PLXDC2: variants seen among roughly 807,000 people sequenced by gnomAD.
PLXDC2 encodes plexin domain-containing protein 2.
Under a neutral mutation model 68.9 loss-of-function variants are expected in PLXDC2, and 40 were observed. That is an observed-to-expected ratio of 0.58 (90% CI 0.45 to 0.76). The LOEUF is 0.76. Among genes scored for constraint, PLXDC2 ranks in the 30% least tolerant of loss-of-function variants. The probability of loss-of-function intolerance (pLI) is 0.00; values close to 1 mark genes in which losing one functional copy is unlikely to be tolerated. For missense variants in PLXDC2, 644 were observed against 661.9 expected (o/e 0.97, Z 0.30); for synonymous variants, 243 against 234.2 (o/e 1.04, Z -0.34).
At position 20,288,402 on chromosome 10, in the gene PLXDC2, A is replaced by G. The variant is rs1415450286; in HGVS notation, c.*8583A>G. On this transcript the variant is annotated 3_prime_UTR_variant, in exon 14 of 14. Transcript: ENST00000377252. ...TTCCAAGCCTGCATTCTGTCATGCT[A>G]AAATAACCAGCCCATACTTCTCGGT... The G allele has an allele frequency of 6.6e-6, 1 of 152,114 alleles. No individual in the cohort carries two copies. Among genetic ancestry groups the G allele is most frequent in the Non-Finnish European group, 1.5e-5 (1 of 68,010 alleles). 9.4% of individuals were successfully genotyped at this position (152,114 alleles called of 1,614,324 possible).
In PLXDC2 at chr10:20,046,363, A is replaced by ATCCC. The variant is rs1835799817; in HGVS notation, c.325-505_325-504insCCCT. Among the ~76,000 whole-genome samples, 15 of 152,218 alleles carry ATCCC rather than the reference A, an allele frequency of 9.9e-5. 1 individual carries two copies. The South Asian group carries it at 3.1e-3, about 32-fold the overall frequency. On this transcript the variant is annotated intron_variant, in intron 2 of 13. Transcript: ENST00000377252. Reference sequence around the variant, plus strand: ...CATAAAATTCAAAACTTAGAAGGAAATATATATTGAAATTTTTAAATATGC... The same window carrying ATCCC: ...CATAAAATTCAAAACTTAGAAGGAAATCCCTATATATTGAAATTTTTAAATATGC...
chr10:20,131,211 T>C (rs1833863255), intron 4 of PLXDC2, among the ~76,000 whole-genome samples: 1 of 151,918 alleles, frequency 6.6e-6, no homozygotes, highest in African/African-American at 2.4e-5. Context: ...TTCTGGTTTC[T>C]TTTATCCATA....
intron 4 of PLXDC2, among the ~76,000 whole-genome samples, chr10:20,129,652 C>T (rs1473505432): frequency 6.6e-6 from 1 of 152,002 alleles, no homozygotes; most frequent in South Asian, 2.1e-4. Context: ...TCTGGTCTCA[C>T]ATTTAAGCCT....
At chr10:19,855,288 G>T (rs1837191718) in intron 1 of PLXDC2, among the ~76,000 whole-genome samples, 1 of 152,146 alleles carries the variant, frequency 6.6e-6, no homozygotes, top group East Asian at 1.9e-4. Context: ...TCAAAGGCTG[G>T]TGTCATTTCA....
chr10:19,986,138 C>CT (rs998719313), intron 1 of PLXDC2, among the ~76,000 whole-genome samples: 11 of 151,380 alleles, frequency 7.3e-5, no homozygotes, highest in South Asian at 4.2e-4. Flanking sequence ...GAAAGCACTT[C>CT]TTTTTTTTTC....
At chr10:20,146,488 T>TTTCCTTCCTTCCTTCCTTCC (rs34150409) in intron 5 of PLXDC2, among the ~76,000 whole-genome samples, 2,140 of 81,318 alleles carry the variant, frequency 0.026, 81 homozygotes, top group East Asian at 0.065. Flanking sequence ...TTCTTTTCTT[T>TTTCCTTCCTTCCTTCCTTCC]TTCCTTCCTT....
intron 7 of PLXDC2, among the ~76,000 whole-genome samples, chr10:20,175,420 AC>A (rs1187200138): frequency 6.6e-6 from 1 of 152,200 alleles, no homozygotes; most frequent in Non-Finnish European, 1.5e-5. Context: ...AGTGGCTCAC[AC>A]CTGTAATCTC....
intron 4 of PLXDC2, among the ~76,000 whole-genome samples, chr10:20,133,679 G>A (rs1271062963): frequency 3.9e-5 from 6 of 152,092 alleles, no homozygotes. Flanking sequence ...ATGTTTTTGT[G>A]ATGATCTCTT....
At chr10:20,228,786 G>A (rs948690206) in intron 12 of PLXDC2, among the ~76,000 whole-genome samples, 1 of 151,982 alleles carries the variant, frequency 6.6e-6, no homozygotes, top group Non-Finnish European at 1.5e-5. Context: ...AGAAAAGTTT[G>A]GTATCACAGA....
chr10:19,971,338 C>T (rs1183306290), intron 1 of PLXDC2, among the ~76,000 whole-genome samples: 2 of 152,148 alleles, frequency 1.3e-5, no homozygotes, highest in African/African-American at 2.4e-5. Context: ...ACTAAACTTC[C>T]CAGTTCACTG....
intron 1 of PLXDC2, among the ~76,000 whole-genome samples, chr10:19,826,813 T>C (rs537653412): frequency 6.6e-6 from 1 of 152,342 alleles, no homozygotes; most frequent in East Asian, 1.9e-4. Context: ...TGAGTAAATA[T>C]AGCTCCTGTA....
intron 1 of PLXDC2, among the ~76,000 whole-genome samples, chr10:19,947,620 A>C (rs112772663): frequency 5.3e-5 from 8 of 152,006 alleles, no homozygotes; most frequent in Middle Eastern, 3.4e-3. Context: ...GTAATATTAC[A>C]TCTTCCCTAA....
intron 13 of PLXDC2, among the ~76,000 whole-genome samples, chr10:20,248,291 C>T (rs192682838): frequency 1.3e-5 from 2 of 152,020 alleles, no homozygotes; most frequent in African/African-American, 4.8e-5. Flanking sequence ...TGTCTCAGAG[C>T]CTGTATGTCC....
intron 1 of PLXDC2, among the ~76,000 whole-genome samples, chr10:19,973,287 CAT>C (rs971612961): frequency 3.1e-4 from 44 of 139,900 alleles, no homozygotes; most frequent in Admixed American, 8.5e-4. Flanking sequence ...TATACACATA[CAT>C]ATATATGTAT....
At chr10:20,046,776 C>T (rs575097213) in intron 2 of PLXDC2, 93 bp from the exon 3 acceptor site, 2 of 1,310,976 alleles carry the variant, frequency 1.5e-6, no homozygotes, top group Non-Finnish European at 1.0e-6. Flanking sequence ...CTTTTAAAAA[C>T]TATTAATACT....
intron 2 of PLXDC2, among the ~76,000 whole-genome samples, chr10:20,029,409 T>C (rs948491100): frequency 6.6e-6 from 1 of 151,552 alleles, no homozygotes; most frequent in Non-Finnish European, 1.5e-5. Flanking sequence ...GAAATGCTTG[T>C]AAAAAAAATA....
In PLXDC2 at chr10:19,996,987, A is replaced by C. The variant is rs192294996; in HGVS notation, c.113-4788A>C. 8.1e-4 allele frequency among the ~76,000 whole-genome samples: 124 copies of C among 152,280 alleles called. 1 individual carries two copies. Among genetic ancestry groups the C allele is most frequent in the African/African-American group, 2.9e-3 (119 of 41,568 alleles). ...ACAACACATGGGAATTCAGGATGAG[A>C]TTAGGGTGGGGACACAGCCAAACCA... On this transcript the variant is annotated intron_variant, in intron 1 of 13. Transcript: ENST00000377252.
chr10:20,001,366 GTCTGACTTTTATTTTCAAAATAA>G (rs1262780159), intron 1 of PLXDC2, among the ~76,000 whole-genome samples: 78 of 151,608 alleles, frequency 5.1e-4, no homozygotes, highest in African/African-American at 1.8e-3. Context: ...AATTAATGAG[GTCTGACTTTTATTTTCAAAATAA>G]TCTGACAATT....
At chr10:20,228,775 C>A (rs1316079661) in intron 12 of PLXDC2, among the ~76,000 whole-genome samples, 1 of 151,922 alleles carries the variant, frequency 6.6e-6, no homozygotes, top group Non-Finnish European at 1.5e-5. Flanking sequence ...AGCAAGAAAA[C>A]AGAAAAGTTT....
Sources: allele counts gnomAD v4.1 joint callset (sites outside exome capture counted in the v4.1 genomes callset), GRCh38; gene constraint gnomAD v4.1.1; transcripts MANE v1.5; gene names NCBI Gene and HGNC (gene_info 2026-07-23, HGNC 2026-07-21).